The following MCC variants were observed in gnomAD, a reference collection of about 807,000 sequenced individuals.
MCC encodes the protein colorectal mutant cancer protein.
Under a neutral mutation model 116.2 loss-of-function variants are expected in MCC, and 90 were observed. The observed-to-expected ratio is 0.77, with a 90% CI of 0.65 to 0.92. MCC has a LOEUF of 0.92. MCC is among the 40% of genes least tolerant of loss of function. MCC has a pLI of 0.00. For synonymous variants in MCC, 578 were observed against 510.5 expected (o/e 1.13, Z -1.78); for missense variants, 1,516 against 1,312.2 (o/e 1.16, Z -2.40).
Position 113,082,972 on chromosome 5 carries a change from G to A in MCC, c.1672C>T (p.Leu558Phe). The change falls in exon 11 of 19, where the codon CTT (leucine) becomes TTT (phenylalanine). Residue 558 changes from leucine to phenylalanine, a missense_variant. Physicochemically the swap from Leu to Phe is conservative, Grantham distance 22. Coordinates refer to ENST00000408903, the MANE Select transcript of MCC (RefSeq NM_001085377.2). Reference sequence around the variant, plus strand: ...TCTTGGATATTGGAGCAGTCCTGAAGTGAGTGGGCCAGGTGTTCAGCCACA... The same window carrying A: ...TCTTGGATATTGGAGCAGTCCTGAAATGAGTGGGCCAGGTGTTCAGCCACA... ...SSVAEHLAHS[L>F]QDCSNIQEIF... 6.2e-7 allele frequency: 1 copy of A among 1,614,210 alleles called. No individual in the cohort carries two copies. The highest frequency in any genetic ancestry group is 1.1e-5 in the South Asian group (1 of 91,072).
chr5:113,260,755 A>T (rs1320759316), intron 3 of MCC, among the ~76,000 whole-genome samples: 1 of 151,900 alleles, frequency 6.6e-6, no homozygotes, highest in Non-Finnish European at 1.5e-5. Flanking sequence ...TTTTTTAGAA[A>T]ATATCCCCCG....
intron 6 of MCC, among the ~76,000 whole-genome samples, chr5:113,114,148 C>T (rs191776451): frequency 6.6e-6 from 1 of 152,046 alleles, no homozygotes; most frequent in African/African-American, 2.4e-5. Flanking sequence ...CAAAATGTGG[C>T]GAAATGTTAA....
intron 3 of MCC, among the ~76,000 whole-genome samples, chr5:113,300,173 G>T (rs1766828241): frequency 1.3e-5 from 2 of 152,134 alleles, no homozygotes. Context: ...TAAACATCAG[G>T]TTAATTGAAG....
chr5:113,415,368 A>T (rs1770112755), intron 1 of MCC, among the ~76,000 whole-genome samples: 2 of 152,190 alleles, frequency 1.3e-5, no homozygotes, highest in Admixed American at 1.3e-4. Flanking sequence ...ATGTTTTCCA[A>T]CTTGGTTCCA....
intron 2 of MCC, among the ~76,000 whole-genome samples, chr5:113,352,766 A>G (rs1407956337): frequency 1.3e-5 from 2 of 152,052 alleles, no homozygotes; most frequent in African/African-American, 4.8e-5. Context: ...TCTTCTCAAC[A>G]TTTGAATCGG....
At chr5:113,281,696 A>G (rs1766052648) in intron 3 of MCC, among the ~76,000 whole-genome samples, 1 of 152,170 alleles carries the variant, frequency 6.6e-6, no homozygotes. Flanking sequence ...TTGGATAAAC[A>G]TTTTCCCAGG....
At chr5:113,286,909 C>T (rs965391708) in intron 3 of MCC, among the ~76,000 whole-genome samples, 7 of 152,134 alleles carry the variant, frequency 4.6e-5, no homozygotes, top group Non-Finnish European at 1.0e-4. Flanking sequence ...TTCTAGTCAA[C>T]AAGAGAAAAA....
chr5:113,371,439 T>C (rs1470427206), intron 2 of MCC, among the ~76,000 whole-genome samples: 3 of 152,304 alleles, frequency 2.0e-5, no homozygotes, highest in Middle Eastern at 3.4e-3. Flanking sequence ...TTTATCAAAG[T>C]ACTCAAGTCA....
intron 17 of MCC, among the ~76,000 whole-genome samples, chr5:113,037,156 C>T (rs913185029): frequency 6.0e-4 from 91 of 152,220 alleles, no homozygotes; most frequent in African/African-American, 2.1e-3. Flanking sequence ...CTTCCCTTTT[C>T]ATTTTATCCC....
At chr5:113,410,266 T>A (rs917912031) in intron 1 of MCC, among the ~76,000 whole-genome samples, 50 of 152,374 alleles carry the variant, frequency 3.3e-4, no homozygotes, top group Admixed American at 2.0e-3. Flanking sequence ...GATTTTTATA[T>A]CCATTTAACA....
chr5:113,409,649 C>A (rs1158063167), intron 1 of MCC, among the ~76,000 whole-genome samples: 1 of 152,038 alleles, frequency 6.6e-6, no homozygotes, highest in Non-Finnish European at 1.5e-5. Context: ...AGTGTGCCTG[C>A]CTTAAATATT....
chr5:113,073,819 C>G (rs149376036), intron 11 of MCC, among the ~76,000 whole-genome samples: 1 of 152,146 alleles, frequency 6.6e-6, no homozygotes. Flanking sequence ...AAGGCCACAG[C>G]GAGGTTGGGG....
At chr5:113,081,993 C>G (rs576551405) in intron 11 of MCC, among the ~76,000 whole-genome samples, 1 of 152,286 alleles carries the variant, frequency 6.6e-6, no homozygotes, top group Non-Finnish European at 1.5e-5. Context: ...TCAAGGCAGC[C>G]ACACCACACT....
At chr5:113,043,060 G>C (rs1751828775) in intron 17 of MCC, among the ~76,000 whole-genome samples, 1 of 152,184 alleles carries the variant, frequency 6.6e-6, no homozygotes, top group South Asian at 2.1e-4. Flanking sequence ...TCTCCTTGCA[G>C]GAGGAGATAA....
intron 17 of MCC, among the ~76,000 whole-genome samples, chr5:113,042,061 C>T (rs1234613138): frequency 1.3e-5 from 2 of 151,956 alleles, no homozygotes; most frequent in African/African-American, 2.4e-5. Context: ...AATGAACACA[C>T]AAACAAGAAC....
intron 1 of MCC, among the ~76,000 whole-genome samples, chr5:113,408,552 G>A (rs554502966): frequency 4.6e-5 from 7 of 152,240 alleles, no homozygotes; most frequent in East Asian, 1.9e-4. Flanking sequence ...TATACCTAGC[G>A]CTGAGGTTCT....
At chr5:113,251,025 A>G (rs970630470) in intron 3 of MCC, among the ~76,000 whole-genome samples, 6 of 152,248 alleles carry the variant, frequency 3.9e-5, no homozygotes, top group Admixed American at 1.3e-4. Context: ...GAATTTATCC[A>G]GAGGGGTTTC....
At chr5:113,370,064 CTT>C (rs1407993599) in intron 2 of MCC, among the ~76,000 whole-genome samples, 1 of 152,172 alleles carries the variant, frequency 6.6e-6, no homozygotes, top group African/African-American at 2.4e-5. Flanking sequence ...GAGGATATAA[CTT>C]AGTCAACATC....
intron 1 of MCC, among the ~76,000 whole-genome samples, chr5:113,399,224 G>A (rs1426692921): frequency 2.6e-5 from 4 of 152,180 alleles, no homozygotes; most frequent in Admixed American, 6.5e-5. Flanking sequence ...GGTGGCTCAC[G>A]CCTGTAATCC....
Sources: gnomAD v4.1 joint callset for allele counts (sites outside exome capture counted in the v4.1 genomes callset) on GRCh38, gnomAD v4.1.1 for gene constraint, MANE v1.5 for transcripts, NCBI Gene and HGNC (gene_info 2026-07-23, HGNC 2026-07-21) for gene names.